Variants in ADAMTSL3 observed in about 807,000 individuals in gnomAD.
ADAMTSL3 encodes the protein ADAMTS-like protein 3.
A neutral mutation model predicts 201.7 loss-of-function variants in ADAMTSL3; 128 were observed. The ratio of observed to expected loss-of-function variants is 0.63; its 90% CI spans 0.55 to 0.73. The LOEUF (loss-of-function observed/expected upper bound fraction) is 0.73. ADAMTSL3 is among the 30% of genes least tolerant of loss of function. The pLI, the probability that ADAMTSL3 is intolerant of heterozygous loss-of-function variation, is 0.00. For missense variants in ADAMTSL3, 1,990 were observed against 2,119.6 expected, an observed-to-expected ratio of 0.94 and a Z score of 1.20; for synonymous variants, 738 against 748.4, an observed-to-expected ratio of 0.99 and a Z score of 0.23.
At chr15:83,971,512 G>A (rs1470114592) in intron 20 of ADAMTSL3, among the ~76,000 whole-genome samples, 2 of 138,048 alleles carry the variant, frequency 1.4e-5, no homozygotes, top group African/African-American at 5.7e-5. Flanking sequence ...AGTCGAGATC[G>A]CACCATTGCA....
intron 2 of ADAMTSL3, among the ~76,000 whole-genome samples, chr15:83,685,730 CCT>C (rs2061527024): frequency 6.6e-6 from 1 of 152,048 alleles, no homozygotes; most frequent in Admixed American, 6.6e-5. Flanking sequence ...CATTTCTTTC[CCT>C]CTTTCTCAAA....
intron 3 of ADAMTSL3, among the ~76,000 whole-genome samples, chr15:83,723,750 A>G (rs1174249162): frequency 2.6e-5 from 4 of 152,160 alleles, no homozygotes; most frequent in Non-Finnish European, 5.9e-5. Flanking sequence ...GAAAAAGCAA[A>G]AATAACAGTG....
At chr15:83,880,787 G>C (rs2065254517) in intron 9 of ADAMTSL3, among the ~76,000 whole-genome samples, 2 of 152,228 alleles carry the variant, frequency 1.3e-5, no homozygotes, top group African/African-American at 4.8e-5. Context: ...GGCCCCTCCT[G>C]CGGGGAAACA....
chr15:84,020,885 A>G lies in ADAMTSL3; in HGVS notation c.4274-525A>G, dbSNP rs143917360. On this transcript the variant is annotated intron_variant, in intron 25 of 29. Coordinates refer to ENST00000286744, the MANE Select transcript of ADAMTSL3 (RefSeq NM_207517.3). ...AATTATTTATGCAGTCACAGGATCA[A>G]TCTGAAGTTTAGATTAAGAATTAAT... is the stretch of plus-strand genomic sequence containing the variant. 2.0e-4 allele frequency among the ~76,000 whole-genome samples: 31 copies of G among 152,394 alleles called. No homozygotes were observed. In the East Asian group the frequency reaches 3.7e-3, roughly 18 times the overall value.
chr15:84,024,026 C>A (rs1311066980), intron 26 of ADAMTSL3, among the ~76,000 whole-genome samples: 1 of 152,172 alleles, frequency 6.6e-6, no homozygotes, highest in Non-Finnish European at 1.5e-5. Flanking sequence ...GAGGCCGAGG[C>A]GGGCGGATCA....
chr15:83,826,906 A>G (rs1362490724), intron 6 of ADAMTSL3, among the ~76,000 whole-genome samples: 1 of 151,942 alleles, frequency 6.6e-6, no homozygotes, highest in Non-Finnish European at 1.5e-5. Context: ...AATCCAGTCT[A>G]TCATTGATGG....
chr15:83,839,636 G>A (rs1383358314), intron 7 of ADAMTSL3, among the ~76,000 whole-genome samples: 1 of 152,146 alleles, frequency 6.6e-6, no homozygotes, highest in East Asian at 1.9e-4. Context: ...AAATCATGAG[G>A]CCTTGATCTA....
At chr15:83,741,272 G>GT (rs1179756673) in intron 3 of ADAMTSL3, among the ~76,000 whole-genome samples, 4 of 151,416 alleles carry the variant, frequency 2.6e-5, no homozygotes, top group African/African-American at 7.3e-5. Flanking sequence ...CCCACAGGGT[G>GT]TTTTTTCTTT....
At chr15:83,694,719 CA>C (rs1226634196) in intron 2 of ADAMTSL3, among the ~76,000 whole-genome samples, 1 of 152,150 alleles carries the variant, frequency 6.6e-6, no homozygotes, top group Admixed American at 6.5e-5. Context: ...GCTACTCAGC[CA>C]GAGCCTTTGG....
intron 25 of ADAMTSL3, among the ~76,000 whole-genome samples, chr15:84,020,224 C>T (rs2068173292): frequency 1.3e-5 from 2 of 149,974 alleles, no homozygotes; most frequent in South Asian, 4.3e-4. Flanking sequence ...GCCAAGGTGT[C>T]TTTGTGAAAT....
In ADAMTSL3 at chr15:83,923,269, A is replaced by T. The variant is rs147966746; in HGVS notation, c.1988-635A>T. Among the ~76,000 whole-genome samples, 783 of 152,304 alleles carry T rather than the reference A, an allele frequency of 5.1e-3. 6 individuals are homozygous for T. The highest frequency in any genetic ancestry group is 9.2e-3 in the Non-Finnish European group (625 of 68,028). On this transcript the variant is annotated intron_variant, in intron 16 of 29. Transcript: ENST00000286744. Reference sequence around the variant, plus strand: ...CCTCAGTTTCCTTAGTATTAAATTAATAAAATGGAGGTAATAATACTATTC... The same window carrying T: ...CCTCAGTTTCCTTAGTATTAAATTATTAAAATGGAGGTAATAATACTATTC...
chr15:83,940,239 A>G (rs2066533742), intron 17 of ADAMTSL3, among the ~76,000 whole-genome samples: 1 of 152,206 alleles, frequency 6.6e-6, no homozygotes, highest in African/African-American at 2.4e-5. Context: ...CGTACTTTCT[A>G]AGTATTTGGG....
chr15:83,821,543 G>C (rs1315890459), intron 6 of ADAMTSL3, among the ~76,000 whole-genome samples: 21 of 151,170 alleles, frequency 1.4e-4, no homozygotes, highest in Non-Finnish European at 5.9e-5. Context: ...ATGTTTCAGA[G>C]AGCACAGGGT....
At chr15:83,897,162 C>T (rs750885145) in intron 13 of ADAMTSL3, among the ~76,000 whole-genome samples, 7 of 152,104 alleles carry the variant, frequency 4.6e-5, no homozygotes, top group Non-Finnish European at 1.0e-4. Context: ...TTTTATATGA[C>T]ATGAAAACAT....
intron 3 of ADAMTSL3, among the ~76,000 whole-genome samples, chr15:83,706,965 G>A (rs2061861544): frequency 6.6e-6 from 1 of 152,182 alleles, no homozygotes; most frequent in Admixed American, 6.5e-5. Context: ...CACTGCGCCT[G>A]GCCAATCCTC....
At chr15:83,658,250 AGG>A in intron 2 of ADAMTSL3, among the ~76,000 whole-genome samples, 1 of 152,132 alleles carries the variant, frequency 6.6e-6, no homozygotes, top group Non-Finnish European at 1.5e-5. Flanking sequence ...CTGGGACTAC[AGG>A]CGCACACTAC....
intron 23 of ADAMTSL3, among the ~76,000 whole-genome samples, chr15:83,998,028 GAA>G (rs746207651): frequency 7.7e-6 from 1 of 130,702 alleles, no homozygotes; most frequent in Non-Finnish European, 1.7e-5. Context: ...AATCTAGGAA[GAA>G]AAAAAAAAAA....
intron 2 of ADAMTSL3, among the ~76,000 whole-genome samples, chr15:83,660,436 A>G (rs958570811): frequency 2.0e-5 from 3 of 152,172 alleles, no homozygotes; most frequent in African/African-American, 4.8e-5. Context: ...TGACTCTGAC[A>G]TGGCACATAA....
chr15:83,917,731 C>T (rs1432328511), intron 16 of ADAMTSL3, among the ~76,000 whole-genome samples: 1 of 151,952 alleles, frequency 6.6e-6, no homozygotes, highest in Admixed American at 6.6e-5. Flanking sequence ...GAGACCTGAC[C>T]CCTTTATGAA....
Sources: allele counts gnomAD v4.1 joint callset (sites outside exome capture counted in the v4.1 genomes callset), GRCh38; gene constraint gnomAD v4.1.1; transcripts MANE v1.5; gene names NCBI Gene and HGNC (gene_info 2026-07-23, HGNC 2026-07-21).